The following NAALADL2 variants were observed in gnomAD, a reference collection of about 807,000 sequenced individuals.
NAALADL2 encodes the protein N-acetylated alpha-linked acidic dipeptidase like 2.
A neutral mutation model predicts 87.2 loss-of-function variants in NAALADL2; 76 were observed. The ratio of observed to expected loss-of-function variants is 0.87; its 90% CI spans 0.72 to 1.05. NAALADL2 has a LOEUF of 1.05. NAALADL2 is among the 50% of genes least tolerant of loss of function. NAALADL2 has a pLI of 0.00. For synonymous variants in NAALADL2, 354 were observed against 331.0 expected (o/e 1.07, Z -0.75); for missense variants, 1,089 against 945.8 (o/e 1.15, Z -1.99).
At chr3:174,564,693 T>G (rs1287749872) in intron 2 of NAALADL2, among the ~76,000 whole-genome samples, 1 of 152,130 alleles carries the variant, frequency 6.6e-6, no homozygotes, top group Middle Eastern at 3.2e-3. Context: ...CACATACAAT[T>G]GAGAATTGTT....
intron 1 of NAALADL2, among the ~76,000 whole-genome samples, chr3:174,465,935 AC>A (rs1220032025): frequency 1.3e-5 from 2 of 152,084 alleles, no homozygotes; most frequent in African/African-American, 4.8e-5. Flanking sequence ...AAATTGCCAT[AC>A]CAAAGAGACC....
At chr3:174,683,763 G>A (rs1005603044) in intron 2 of NAALADL2, among the ~76,000 whole-genome samples, 8 of 151,578 alleles carry the variant, frequency 5.3e-5, no homozygotes, top group African/African-American at 1.9e-4. Context: ...TTTTACAAAA[G>A]AAAATGTTAA....
At chr3:175,692,526 G>C (rs748235852) in intron 11 of NAALADL2, among the ~76,000 whole-genome samples, 1 of 152,020 alleles carries the variant, frequency 6.6e-6, no homozygotes, top group Non-Finnish European at 1.5e-5. Context: ...TCAGGACATG[G>C]CATTATCCTA....
chr3:174,702,450 C>G (rs1045290029), intron 2 of NAALADL2, among the ~76,000 whole-genome samples: 2 of 152,248 alleles, frequency 1.3e-5, no homozygotes, highest in Admixed American at 6.5e-5. Flanking sequence ...TGTACCTGCT[C>G]TCAATCAGCA....
intron 1 of NAALADL2, among the ~76,000 whole-genome samples, chr3:175,051,263 CAAATG>C (rs1467678797): frequency 5.9e-5 from 9 of 152,132 alleles, no homozygotes; most frequent in Admixed American, 5.9e-4. Flanking sequence ...TGCTGCATAA[CAAATG>C]AACACAAACT....
chr3:175,591,784 G>GTGTGTA (rs1443245536), intron 10 of NAALADL2, among the ~76,000 whole-genome samples: 2,297 of 133,562 alleles, frequency 0.017, 38 homozygotes, highest in Non-Finnish European at 0.028. Context: ...GTGTGTGTGT[G>GTGTGTA]TATATATATA....
At chr3:175,778,896 A>C (rs1243382759) in intron 13 of NAALADL2, among the ~76,000 whole-genome samples, 1 of 152,208 alleles carries the variant, frequency 6.6e-6, no homozygotes, top group Admixed American at 6.5e-5. Flanking sequence ...CCTAAGGCAG[A>C]TTAACAGGAG....
chr3:174,832,625 C>T (rs1722860497), intron 3 of NAALADL2, among the ~76,000 whole-genome samples: 1 of 152,086 alleles, frequency 6.6e-6, no homozygotes, highest in South Asian at 2.1e-4. Flanking sequence ...CCACATCCGG[C>T]TAATTTTGTT....
intron 1 of NAALADL2, among the ~76,000 whole-genome samples, chr3:175,063,987 G>A (rs886916475): frequency 1.3e-5 from 2 of 152,114 alleles, no homozygotes; most frequent in African/African-American, 2.4e-5. Flanking sequence ...TAATTCAGCT[G>A]TCACTTAATA....
intron 2 of NAALADL2, among the ~76,000 whole-genome samples, chr3:175,136,802 G>A (rs1002168943): frequency 6.6e-5 from 10 of 151,964 alleles, no homozygotes; most frequent in Admixed American, 3.3e-4. Flanking sequence ...CATCTTTGAC[G>A]GTTAAGAGGT....
intron 2 of NAALADL2, among the ~76,000 whole-genome samples, chr3:175,200,880 TATC>T (rs1166051618): frequency 1.3e-5 from 2 of 152,142 alleles, no homozygotes; most frequent in African/African-American, 4.8e-5. Context: ...ATACTGTACT[TATC>T]ATGACCTCTT....
At chr3:174,473,520 C>T (rs1222587868) in intron 1 of NAALADL2, among the ~76,000 whole-genome samples, 1 of 152,046 alleles carries the variant, frequency 6.6e-6, no homozygotes, top group African/African-American at 2.4e-5. Context: ...CTTGCCTTTC[C>T]CTTTCATGAT....
In NAALADL2 at chr3:174,627,957, A is replaced by G. The variant is rs151188227; in HGVS notation, c.-115+77320A>G. ...TCCAAAGCTGGGAGGGTGAGACGGG[A>G]GTGAGGGATGTAATACTATGTATTG... On this transcript the variant is annotated intron_variant, in intron 2 of 3. Coordinates refer to the NAALADL2 transcript ENST00000434257. Among the ~76,000 whole-genome samples, 941 of 152,206 alleles carry G rather than the reference A, an allele frequency of 6.2e-3. 9 individuals carry two copies. Among genetic ancestry groups the G allele is most frequent in the African/African-American group, 0.022 (895 of 41,528 alleles).
chr3:175,691,392 TTG>T (rs1039447534), intron 11 of NAALADL2, among the ~76,000 whole-genome samples: 3 of 151,266 alleles, frequency 2.0e-5, no homozygotes, highest in Admixed American at 1.3e-4. Flanking sequence ...ACTGTTTTAT[TTG>T]TGTGTGTGTG....
At chr3:174,766,789 G>C (rs1713854794) in intron 3 of NAALADL2, among the ~76,000 whole-genome samples, 1 of 152,052 alleles carries the variant, frequency 6.6e-6, no homozygotes, top group South Asian at 2.1e-4. Flanking sequence ...CACATATCAG[G>C]GAACATAACC....
intron 4 of NAALADL2, among the ~76,000 whole-genome samples, chr3:175,309,647 G>C (rs1203791474): frequency 6.6e-6 from 1 of 150,776 alleles, no homozygotes; most frequent in Admixed American, 6.6e-5. Context: ...CCCCACCCTA[G>C]ACAAATGCAA....
At chr3:175,463,073 C>A (rs1237758487) in intron 6 of NAALADL2, among the ~76,000 whole-genome samples, 1 of 151,876 alleles carries the variant, frequency 6.6e-6, no homozygotes, top group Non-Finnish European at 1.5e-5. Context: ...ATATGAGTTC[C>A]CCACATCTCC....
At chr3:174,445,385 T>G (rs1714977301) in intron 1 of NAALADL2, among the ~76,000 whole-genome samples, 1 of 152,144 alleles carries the variant, frequency 6.6e-6, no homozygotes, top group South Asian at 2.1e-4. Flanking sequence ...TAGGGGCCTA[T>G]AATTATAGTC....
intron 2 of NAALADL2, among the ~76,000 whole-genome samples, chr3:175,131,946 G>T (rs1235534472): frequency 8.1e-6 from 1 of 123,742 alleles, no homozygotes; most frequent in Non-Finnish European, 1.7e-5. Context: ...AGGGGTGGCC[G>T]GGCAGAGGCG....
Sources: gnomAD v4.1 joint callset for allele counts (sites outside exome capture counted in the v4.1 genomes callset) on GRCh38, gnomAD v4.1.1 for gene constraint, MANE v1.5 for transcripts, NCBI Gene and HGNC (gene_info 2026-07-23, HGNC 2026-07-21) for gene names.